GRIN2A: variants seen among roughly 807,000 people sequenced by gnomAD.
GRIN2A encodes the protein glutamate ionotropic receptor NMDA type subunit 2A, also known as glutamate receptor ionotropic, NMDA 2A.
In GRIN2A, 22 loss-of-function variants were observed where a neutral mutation model predicts 113.4. That is an observed-to-expected ratio of 0.19 (90% CI 0.14 to 0.28). GRIN2A has a LOEUF of 0.28. Among genes scored for constraint, GRIN2A ranks in the 10% least tolerant of loss-of-function variants. The probability of loss-of-function intolerance (pLI) is 1.00; values close to 1 mark genes in which losing one functional copy is unlikely to be tolerated. For synonymous variants in GRIN2A, 827 were observed against 738.4 expected, an observed-to-expected ratio of 1.12 and a Z score of -1.94; for missense variants, 1,502 against 1,887.0, an observed-to-expected ratio of 0.80 and a Z score of 3.78.
chr16:9,937,766 C>G (rs1236708021), intron 3 of GRIN2A, 193 bp downstream of exon 3: 1 of 604,656 alleles, frequency 1.7e-6, no homozygotes, highest in Admixed American at 2.9e-5. Context: ...TTGCAGGAAA[C>G]AAAGTCTAAT....
At chr16:9,935,980 G>C (rs1325416933) in intron 3 of GRIN2A, among the ~76,000 whole-genome samples, 2 of 152,140 alleles carry the variant, frequency 1.3e-5, no homozygotes, top group Non-Finnish European at 2.9e-5. Flanking sequence ...AGGATTACAG[G>C]CATGAGCTAC....
At chr16:9,787,557 G>T (rs138391499) in intron 11 of GRIN2A, among the ~76,000 whole-genome samples, 3 of 152,152 alleles carry the variant, frequency 2.0e-5, no homozygotes, top group Non-Finnish European at 2.9e-5. Context: ...AGGACCTCCT[G>T]GGGGGCTGTG....
At chr16:9,950,068 G>A (rs1285430784) in intron 2 of GRIN2A, among the ~76,000 whole-genome samples, 1 of 152,138 alleles carries the variant, frequency 6.6e-6, no homozygotes, top group Non-Finnish European at 1.5e-5. Flanking sequence ...TTCACTGTCT[G>A]AACCCTTGTT....
At chr16:10,064,315 C>T (rs1028767555) in intron 2 of GRIN2A, among the ~76,000 whole-genome samples, 1 of 152,190 alleles carries the variant, frequency 6.6e-6, no homozygotes, top group African/African-American at 2.4e-5. Flanking sequence ...CACCTCACTT[C>T]GTTCGCCCAT....
intron 2 of GRIN2A, among the ~76,000 whole-genome samples, chr16:9,992,779 A>G (rs1596397506): frequency 6.6e-6 from 1 of 152,222 alleles, no homozygotes; most frequent in South Asian, 2.1e-4. Flanking sequence ...ACACAGAGAG[A>G]CAATACTCGG....
At chr16:10,118,934 TG>T (rs2048779039) in intron 2 of GRIN2A, among the ~76,000 whole-genome samples, 1 of 152,142 alleles carries the variant, frequency 6.6e-6, no homozygotes, top group Non-Finnish European at 1.5e-5. Flanking sequence ...GAAAGGGGCG[TG>T]TTTTCTCCTC....
chr16:10,108,142 G>C (rs1486301467), intron 2 of GRIN2A, among the ~76,000 whole-genome samples: 3 of 152,156 alleles, frequency 2.0e-5, no homozygotes, highest in Non-Finnish European at 4.4e-5. Flanking sequence ...AACTGAAACT[G>C]GGAAGAAAAA....
intron 4 of GRIN2A, among the ~76,000 whole-genome samples, chr16:9,864,440 T>C (rs79138123): frequency 2.6e-5 from 4 of 151,866 alleles, no homozygotes; most frequent in Admixed American, 6.6e-5. Context: ...AGTTTTTTTT[T>C]AAATGAAAAC....
intron 2 of GRIN2A, among the ~76,000 whole-genome samples, chr16:10,116,864 G>A (rs2048737732): frequency 6.6e-6 from 1 of 152,106 alleles, no homozygotes; most frequent in Admixed American, 6.6e-5. Flanking sequence ...CTTCAGGTCT[G>A]CCATATGCAG....
chr16:9,782,081 A>G (rs1901972815), intron 11 of GRIN2A, among the ~76,000 whole-genome samples: 1 of 152,216 alleles, frequency 6.6e-6, no homozygotes, highest in Non-Finnish European at 1.5e-5. Context: ...ATTATGTTAA[A>G]GTAGTAGATT....
chr16:9,974,052 A>G (rs544420940), intron 2 of GRIN2A, among the ~76,000 whole-genome samples: 4 of 152,190 alleles, frequency 2.6e-5, no homozygotes, highest in Non-Finnish European at 5.9e-5. Flanking sequence ...AAAAATACAT[A>G]TGCATGTGAC....
At chr16:9,780,829 G>A (rs1901893314) in intron 11 of GRIN2A, among the ~76,000 whole-genome samples, 1 of 152,120 alleles carries the variant, frequency 6.6e-6, no homozygotes, top group African/African-American at 2.4e-5. Context: ...CTAAACCAGA[G>A]GAGAGAAAAA....
chr16:9,866,983 C>T (rs998219431), intron 4 of GRIN2A, among the ~76,000 whole-genome samples: 3 of 152,216 alleles, frequency 2.0e-5, no homozygotes, highest in Non-Finnish European at 4.4e-5. Flanking sequence ...TCCTCTCCAG[C>T]GTCATCCCTG....
Position 9,755,855 on chromosome 16 carries a change from GA to G in GRIN2A, c.*7293del, listed in dbSNP as rs58903398. 0.011 allele frequency: 1,872 copies of G among 167,568 alleles called. No homozygotes were observed. Among genetic ancestry groups the G allele is most frequent in the East Asian group, 0.028 (263 of 9,282 alleles). The allele number at this position is 167,568 out of a possible 1,614,324, so 10.4% of individuals were successfully genotyped here. A position where few individuals can be genotyped will look rare whatever the true frequency, so the allele number is the denominator to read the frequency against. On this transcript the variant is annotated 3_prime_UTR_variant, in exon 13 of 13. Coordinates refer to ENST00000330684, the MANE Select transcript of GRIN2A (RefSeq NM_001134407.3). ...ATTATCTCTAAGACAATTTGGAAAA[GA>G]AAAAAAAAAAGGAACAGACCAAGAA...
chr16:10,091,945 T>C (rs577666752), intron 2 of GRIN2A, among the ~76,000 whole-genome samples: 339 of 152,330 alleles, frequency 2.2e-3, no homozygotes, highest in African/African-American at 7.9e-3. Context: ...GGGGTGATGG[T>C]TGCAAAATCT....
At position 10,032,688 on chromosome 16, in the gene GRIN2A, T is replaced by A. The variant is rs116653554; in HGVS notation, c.415-94137A>T. ...CCCCTAGAAAGTGGTGGATTCAGGG[T>A]TGAACGAACACAGTTTAATGCCGGT... is the stretch of plus-strand genomic sequence containing the variant. On this transcript the variant is annotated intron_variant, in intron 2 of 12. Transcript: ENST00000330684. Among the ~76,000 whole-genome samples, 567 of 152,174 alleles carry A rather than the reference T, an allele frequency of 3.7e-3. 6 individuals carry two copies. The highest frequency in any genetic ancestry group is 0.013 in the African/African-American group (529 of 41,516).
chr16:9,770,677 C>T (rs7191241), intron 11 of GRIN2A, among the ~76,000 whole-genome samples: 121,768 of 152,124 alleles, frequency 0.8, 49,218 homozygotes, highest in Middle Eastern at 0.89. Context: ...GGACTTAGTA[C>T]GATTCTTCAA....
chr16:10,011,096 T>C (rs375186122), intron 2 of GRIN2A, among the ~76,000 whole-genome samples: 4 of 152,324 alleles, frequency 2.6e-5, no homozygotes, highest in South Asian at 4.1e-4. Context: ...CTGGGAAGAA[T>C]ACTTATCTAC....
intron 10 of GRIN2A, among the ~76,000 whole-genome samples, chr16:9,819,283 G>T (rs2042238838): frequency 6.6e-6 from 1 of 152,216 alleles, no homozygotes; most frequent in East Asian, 1.9e-4. Context: ...ACTTTGAGAG[G>T]CTGAGGCAGG....
Sources: allele counts gnomAD v4.1 joint callset (sites outside exome capture counted in the v4.1 genomes callset), GRCh38; gene constraint gnomAD v4.1.1; transcripts MANE v1.5; gene names NCBI Gene and HGNC (gene_info 2026-07-23, HGNC 2026-07-21).